The following DEPDC5 variants were observed in gnomAD, a reference collection of about 807,000 sequenced individuals.
DEPDC5 encodes the protein DEP domain containing 5, GATOR1 subcomplex subunit.
A neutral mutation model predicts 217.3 loss-of-function variants in DEPDC5; 73 were observed. The observed-to-expected ratio is 0.34, with a 90% CI of 0.28 to 0.41. The LOEUF (loss-of-function observed/expected upper bound fraction) is 0.41, where lower values mean the gene tolerates loss of function less well. Among genes scored for constraint, DEPDC5 ranks in the 10% least tolerant of loss-of-function variants. The pLI, the probability that DEPDC5 is intolerant of heterozygous loss-of-function variation, is 1.00. For synonymous variants in DEPDC5, 733 were observed against 756.7 expected (o/e 0.97, Z 0.51); for missense variants, 1,675 against 2,070.1 (o/e 0.81, Z 3.70).
intron 8 of DEPDC5, among the ~76,000 whole-genome samples, chr22:31,778,660 C>T (rs1009359261): frequency 6.6e-6 from 1 of 152,140 alleles, no homozygotes; most frequent in Non-Finnish European, 1.5e-5. Flanking sequence ...AAACAGAGAG[C>T]TAGAGTATCT....
At chr22:31,768,603 C>A (rs1027326000) in intron 6 of DEPDC5, among the ~76,000 whole-genome samples, 4 of 152,210 alleles carry the variant, frequency 2.6e-5, no homozygotes, top group Admixed American at 2.0e-4. Flanking sequence ...ACTCTTTAAG[C>A]ACCTACTGTC....
At chr22:31,861,104 A>G (rs1260188581) in intron 32 of DEPDC5, among the ~76,000 whole-genome samples, 1 of 150,756 alleles carries the variant, frequency 6.6e-6, no homozygotes, top group Non-Finnish European at 1.5e-5. Context: ...TATTCTGCCC[A>G]GGAAGGTGTG....
Position 31,796,766 on chromosome 22 carries a change from G to A in DEPDC5, c.768-834G>A, listed in dbSNP as rs185416362. Among the ~76,000 whole-genome samples, 628 of 149,640 alleles carry A rather than the reference G, an allele frequency of 4.2e-3. 4 individuals carry two copies. Among genetic ancestry groups the A allele is most frequent in the Middle Eastern group, 0.018 (5 of 274 alleles). ...GGCTGGAGTGCAGTGGCTCGATCTC[G>A]GCTCACTGAAACCTCCGCCTCCTGG... On this transcript the variant is annotated intron_variant, in intron 12 of 42. Coordinates refer to ENST00000651528, the MANE Select transcript of DEPDC5 (RefSeq NM_001242896.3).
intron 41 of DEPDC5, among the ~76,000 whole-genome samples, chr22:31,905,745 C>T (rs753878010): frequency 3.9e-5 from 6 of 151,938 alleles, no homozygotes; most frequent in South Asian, 4.2e-4. Flanking sequence ...TGGTGGACCA[C>T]GGAGATGACG....
At chr22:31,824,088 C>T (rs1256752480) in intron 24 of DEPDC5, among the ~76,000 whole-genome samples, 1 of 152,200 alleles carries the variant, frequency 6.6e-6, no homozygotes, top group Non-Finnish European at 1.5e-5. Flanking sequence ...CAGTGGCTCA[C>T]GCCTGTAATG....
intron 32 of DEPDC5, among the ~76,000 whole-genome samples, chr22:31,859,371 G>A (rs2092431263): frequency 6.7e-6 from 1 of 149,212 alleles, no homozygotes; most frequent in Non-Finnish European, 1.5e-5. Context: ...GATTACAGGC[G>A]TGAGCCACTG....
At chr22:31,769,088 G>A (rs1031413249) in intron 7 of DEPDC5, 16 of 316,102 alleles carry the variant, frequency 5.1e-5, no homozygotes, top group East Asian at 1.2e-4. Flanking sequence ...GTGAAACCCC[G>A]TCTCTACTAA....
intron 26 of DEPDC5, among the ~76,000 whole-genome samples, chr22:31,837,623 G>A (rs1371963419): frequency 6.6e-6 from 1 of 152,104 alleles, no homozygotes; most frequent in African/African-American, 2.4e-5. Flanking sequence ...CCAAAGTGCT[G>A]GGATTACTAC....
At chr22:31,761,905 T>A (rs2082420079) in intron 4 of DEPDC5, among the ~76,000 whole-genome samples, 1 of 147,878 alleles carries the variant, frequency 6.8e-6, no homozygotes, top group Non-Finnish European at 1.5e-5. Context: ...GAGGCGGAGG[T>A]TGCAGTGAGC....
At chr22:31,820,502 G>C (rs1421876605) in intron 22 of DEPDC5, among the ~76,000 whole-genome samples, 1 of 152,104 alleles carries the variant, frequency 6.6e-6, no homozygotes, top group Non-Finnish European at 1.5e-5. Context: ...ATATTTAAAA[G>C]TTAAATAAGT....
At chr22:31,897,896 C>T (rs2093581656) in intron 40 of DEPDC5, among the ~76,000 whole-genome samples, 2 of 152,174 alleles carry the variant, frequency 1.3e-5, no homozygotes, top group South Asian at 4.1e-4. Flanking sequence ...GTGTCTAGAG[C>T]TGCCTGGAGC....
Position 31,768,853 on chromosome 22 carries a change from G to C in DEPDC5, c.403G>C (p.Ala135Pro), listed in dbSNP as rs1314259943. The part of the protein sequence containing the change: ...CAYITQKVEF[A>P]GIRAQAGELW... ...CTATATCACCCAGAAGGTGGAGTTT[G>C]CTGGCATCAGGTAGATATTACATCA... The change falls in exon 7 of 43, where the codon GCT becomes CCT. Residue 135 changes from alanine to proline, a missense_variant. Physicochemically the swap from Ala to Pro is conservative, Grantham distance 27. This residue lies in a region of DEPDC5 where 628 missense variants were observed against 762.1 expected (regional missense o/e 0.82). Coordinates refer to ENST00000651528, the MANE Select transcript of DEPDC5 (RefSeq NM_001242896.3). 1 of 1,611,346 alleles carries C rather than the reference G, an allele frequency of 6.2e-7. No individual in the cohort carries two copies. The highest frequency in any genetic ancestry group is 1.1e-5 in the South Asian group (1 of 90,954).
In DEPDC5 at chr22:31,838,851, T is replaced by A; in HGVS notation, c.2515+6T>A. 7.5e-6 allele frequency: 12 copies of A among 1,607,192 alleles called. No homozygotes were observed. The highest frequency in any genetic ancestry group is 1.0e-5 in the Non-Finnish European group (12 of 1,175,388). On this transcript the variant is annotated splice_donor_region_variant and intron_variant, in intron 27 of 42. Coordinates refer to ENST00000651528, the MANE Select transcript of DEPDC5 (RefSeq NM_001242896.3). ...TAGCCCACTCTATAGCCGAGGTGAG[T>A]TTTTCTCCTTGGATTTCTATTTTTT...
At chr22:31,820,748 T>C (rs1010071992) in intron 22 of DEPDC5, among the ~76,000 whole-genome samples, 17 of 152,226 alleles carry the variant, frequency 1.1e-4, no homozygotes, top group Non-Finnish European at 1.9e-4. Flanking sequence ...ATGTACACTT[T>C]ATTGGAACCA....
At chr22:31,790,983 G>A (rs1601864013) in intron 10 of DEPDC5, among the ~76,000 whole-genome samples, 1 of 151,922 alleles carries the variant, frequency 6.6e-6, no homozygotes, top group East Asian at 1.9e-4. Flanking sequence ...CTGACCTCAG[G>A]TGATCCACCC....
chr22:31,858,481 C>T (rs1009957603), intron 32 of DEPDC5: 2 of 152,160 alleles, frequency 1.3e-5, no homozygotes, highest in Non-Finnish European at 2.9e-5. Context: ...TTGTCCCTAT[C>T]ACTGGGAGAT....
At chr22:31,884,263 A>G (rs914650548) in intron 38 of DEPDC5, among the ~76,000 whole-genome samples, 3 of 152,052 alleles carry the variant, frequency 2.0e-5, no homozygotes, top group African/African-American at 7.2e-5. Context: ...CCCTCGCAGT[A>G]CTCAGTGTAG....
At position 31,906,665 on chromosome 22, in the gene DEPDC5, C is replaced by T; in HGVS notation, c.*168C>T. 2 of 894,082 alleles carry T rather than the reference C, an allele frequency of 2.2e-6. No individual in the cohort carries two copies. The highest frequency in any genetic ancestry group is 3.4e-5 in the South Asian group (2 of 58,492). The allele number at this position is 894,082 out of a possible 1,614,324, so 55.4% of individuals were successfully genotyped here. ...TTGTTTGTTTGTTTGTTTTTGGCCC[C>T]CACGACAAGTCTTCTACTCTAGAAG... On this transcript the variant is annotated 3_prime_UTR_variant, in exon 43 of 43. Coordinates refer to ENST00000651528, the MANE Select transcript of DEPDC5 (RefSeq NM_001242896.3). This position sits in a 1 kb window ranked among gnomAD's most constrained non-coding sequence, Gnocchi z 5.1.
intron 31 of DEPDC5, among the ~76,000 whole-genome samples, chr22:31,848,614 T>G (rs1216216230): frequency 6.6e-6 from 1 of 151,886 alleles, no homozygotes; most frequent in Non-Finnish European, 1.5e-5. Context: ...GAAACCAATT[T>G]TTCCTTCTAG....
Sources: allele counts gnomAD v4.1 joint callset (sites outside exome capture counted in the v4.1 genomes callset), GRCh38; gene constraint gnomAD v4.1.1; regional missense constraint gnomAD v4.1.1; non-coding constraint Gnocchi (gnomAD v3.1); transcripts MANE v1.5; gene names NCBI Gene and HGNC (gene_info 2026-07-23, HGNC 2026-07-21).